Variants in NUP210 observed in about 807,000 individuals in gnomAD.
NUP210 encodes nuclear pore membrane glycoprotein 210.
Under a neutral mutation model 196.0 loss-of-function variants are expected in NUP210, and 151 were observed. The ratio of observed to expected loss-of-function variants is 0.77; its 90% confidence interval spans 0.67 to 0.88. The LOEUF is 0.88. NUP210 is among the 40% of genes least tolerant of loss of function. The probability of loss-of-function intolerance (pLI) is 0.00; values close to 1 mark genes in which losing one functional copy is unlikely to be tolerated. For missense variants in NUP210, 2,314 were observed against 2,493.7 expected, an observed-to-expected ratio of 0.93 and a Z score of 1.53; for synonymous variants, 1,070 against 1,052.7, an observed-to-expected ratio of 1.02 and a Z score of -0.32.
At position 13,353,619 on chromosome 3, in the gene NUP210, C is replaced by CTG. The variant is rs1698059282; in HGVS notation, c.2561_2562dup (p.Ala855GlnfsTer34). 6.2e-7 allele frequency: 1 copy of CTG among 1,614,128 alleles called. No homozygotes were observed. The highest frequency in any genetic ancestry group is 1.6e-4 in the Middle Eastern group (1 of 6,062). On this transcript the variant is annotated frameshift_variant, in exon 18 of 40. Transcript: ENST00000254508. LOFTEE classifies it high-confidence loss of function. ...TAGCCAGTGGCAGTGGCAGTGATGG[C>CTG]TGTGGTTCCTGATGCCTCGTGAACC...
chr3:13,343,321 A>AGGGGGGGGGGGG lies in NUP210; in HGVS notation c.2836-19_2836-18insCCCCCCCCCCCC. The AGGGGGGGGGGGG allele has an allele frequency of 4.8e-6, 1 of 209,500 alleles. No individual in the cohort carries two copies. Among genetic ancestry groups the AGGGGGGGGGGGG allele is most frequent in the Non-Finnish European group, 8.8e-6 (1 of 113,928 alleles). The allele number at this position is 209,500 out of a possible 1,614,324, so 13.0% of individuals were successfully genotyped here. The stretch of plus-strand genomic sequence containing the variant: ...GGGTGCACCTGCAAGGTTGGGGCGG[A>AGGGGGGGGGGGG]GGTGGAGGGGTGGGTGGTGGGTTAC... On this transcript the variant is annotated intron_variant, in intron 20 of 39. Transcript: ENST00000254508.
chr3:13,388,983 C>A (rs928722584), intron 4 of NUP210, among the ~76,000 whole-genome samples: 1 of 152,258 alleles, frequency 6.6e-6, no homozygotes, highest in Non-Finnish European at 1.5e-5. Context: ...TGGATCCCAG[C>A]TTGGGGAGAT....
intron 29 of NUP210, among the ~76,000 whole-genome samples, chr3:13,331,946 A>G (rs1455564787): frequency 2.0e-5 from 3 of 152,132 alleles, no homozygotes; most frequent in African/African-American, 7.2e-5. Flanking sequence ...CTTCCCGGTG[A>G]TGCTGATGCT....
intron 16 of NUP210, among the ~76,000 whole-genome samples, chr3:13,355,120 T>C (rs1407448192): frequency 6.6e-6 from 1 of 152,170 alleles, no homozygotes; most frequent in African/African-American, 2.4e-5. Flanking sequence ...AAAGCACAAC[T>C]GAGGGATTTA....
At chr3:13,332,944 G>T (rs1576351878) in intron 28 of NUP210, among the ~76,000 whole-genome samples, 1 of 152,316 alleles carries the variant, frequency 6.6e-6, no homozygotes, top group East Asian at 1.9e-4. Flanking sequence ...CCAGGACTGA[G>T]CCTGGGCAAG....
rs184704701 is a variant in NUP210 at position 13,403,613 on chromosome 3, G to A, written c.168-3752C>T. 1.6e-4 allele frequency among the ~76,000 whole-genome samples: 25 copies of A among 152,278 alleles called. 2 individuals are homozygous for A. The East Asian group carries it at 1.9e-3, about 12-fold the overall frequency. On this transcript the variant is annotated intron_variant, in intron 1 of 39. Coordinates refer to ENST00000254508, the MANE Select transcript of NUP210 (RefSeq NM_024923.4). ...AGGCCTGGCCTCCTGGTGGAGGGCC[G>A]TGCAGGCGCAGGGCTCTCATGTCCT...
At chr3:13,364,236 T>C (rs1047401456) in intron 14 of NUP210, among the ~76,000 whole-genome samples, 2 of 152,228 alleles carry the variant, frequency 1.3e-5, no homozygotes, top group Non-Finnish European at 2.9e-5. Flanking sequence ...CTGTGTTCTC[T>C]GCCCTGGTGC....
In NUP210 at chr3:13,366,006, G is replaced by A. The variant is rs1320661576; in HGVS notation, c.1872C>T (p.Tyr624=). ...AQGSTTLLVS[Y]RHGHVHLSAK... is the part of the protein sequence containing the mutation. ...CACTCAGGTGGACGTGGCCGTGTCT[G>A]TAGCTCACAAGAAGCGTGGTAGAGC... The change falls in exon 14 of 40, where the codon TAC becomes TAT. Residue 624 remains tyrosine, a synonymous_variant. Transcript: ENST00000254508. The A allele has an allele frequency of 4.3e-6, 7 of 1,614,132 alleles. No individual in the cohort carries two copies. The highest frequency in any genetic ancestry group is 5.9e-6 in the Non-Finnish European group (7 of 1,180,050).
At position 13,343,259 on chromosome 3, in the gene NUP210, G is replaced by A. The variant is rs1181243169; in HGVS notation, c.2880C>T (p.Asp960=). 6.4e-7 allele frequency: 1 copy of A among 1,552,432 alleles called. No individual in the cohort carries two copies. The highest frequency in any genetic ancestry group is 8.8e-7 in the Non-Finnish European group (1 of 1,141,020). Residue 960 remains aspartate, a synonymous_variant, in exon 21 of 40, where the codon GAC becomes GAT. Transcript: ENST00000254508. ...CTGGGGCCGGGAAGACGAGGCACAAGTCATGGATCATGATGGTGGATGAGC... is the reference window on the plus strand; with the variant it reads ...CTGGGGCCGGGAAGACGAGGCACAAATCATGGATCATGATGGTGGATGAGC... ...LPGSSTIMIH[D]LCLVFPAPAK... is the part of the protein sequence containing the mutation.
chr3:13,397,232 G>A (rs1372666316), intron 3 of NUP210, 125 bp downstream of exon 3: 2 of 1,174,944 alleles, frequency 1.7e-6, no homozygotes, highest in East Asian at 5.7e-5. Context: ...CCTGACCAGA[G>A]CTGCCCTCTA....
At chr3:13,329,076 A>T in intron 30 of NUP210, 130 bp from the exon 31 acceptor site, 1 of 725,436 alleles carries the variant, frequency 1.4e-6, no homozygotes, top group East Asian at 2.7e-5. Flanking sequence ...GGCTGGACTT[A>T]GGGGTCCTGA....
Position 13,319,331 on chromosome 3 carries a change from A to G in NUP210, c.5384-6T>C, listed in dbSNP as rs1161001943. 11 of 1,602,304 alleles carry G rather than the reference A, an allele frequency of 6.9e-6. No homozygotes were observed. Among genetic ancestry groups the G allele is most frequent in the Middle Eastern group, 1.6e-4 (1 of 6,074 alleles). Reference sequence around the variant, plus strand: ...CTGGAAGAGGCTGGCTCCATCTGCCATCAATGGGAAGATGAGTTACCAAAA... The same window carrying G: ...CTGGAAGAGGCTGGCTCCATCTGCCGTCAATGGGAAGATGAGTTACCAAAA... On this transcript the variant is annotated splice_region_variant and splice_polypyrimidine_tract_variant and intron_variant, in intron 37 of 39. Transcript: ENST00000254508.
At chr3:13,367,493 A>G (rs936325135) in intron 13 of NUP210, among the ~76,000 whole-genome samples, 4 of 152,190 alleles carry the variant, frequency 2.6e-5, no homozygotes, top group African/African-American at 9.7e-5. Context: ...TGATTTTTCC[A>G]CATACTGGAC....
chr3:13,411,541 C>G (rs1700173751), intron 1 of NUP210, among the ~76,000 whole-genome samples: 1 of 152,170 alleles, frequency 6.6e-6, no homozygotes, highest in African/African-American at 2.4e-5. Flanking sequence ...TTGGCTCCCT[C>G]TGTCCATCCC....
chr3:13,321,545 C>G, intron 36 of NUP210, 40 bp downstream of exon 36: 1 of 1,592,802 alleles, frequency 6.3e-7, no homozygotes. Flanking sequence ...CCTGATGCCC[C>G]TGACTCCGGC....
At chr3:13,397,703 CT>C (rs1267038085) in intron 2 of NUP210, among the ~76,000 whole-genome samples, 4 of 152,182 alleles carry the variant, frequency 2.6e-5, no homozygotes, top group Non-Finnish European at 4.4e-5. Flanking sequence ...CCCATTCTGG[CT>C]TTTCCAGCAG....
chr3:13,380,623 C>T (rs1376120405), intron 6 of NUP210, among the ~76,000 whole-genome samples: 1 of 152,208 alleles, frequency 6.6e-6, no homozygotes, highest in East Asian at 1.9e-4. Flanking sequence ...ACTGTCCCCA[C>T]AAGTGGGACA....
chr3:13,345,079 G>A (rs1249695292), intron 20 of NUP210: 2 of 985,424 alleles, frequency 2.0e-6, no homozygotes, highest in Non-Finnish European at 1.2e-6. Context: ...CCAGCATCTG[G>A]TACAGCCTAG....
chr3:13,318,729 C>T (rs1431580337), intron 39 of NUP210, among the ~76,000 whole-genome samples: 1 of 152,178 alleles, frequency 6.6e-6, no homozygotes, highest in African/African-American at 2.4e-5. Context: ...CCCAGAATCC[C>T]CATCTGTGAG....
Sources: allele counts gnomAD v4.1 joint callset (sites outside exome capture counted in the v4.1 genomes callset), GRCh38; gene constraint gnomAD v4.1.1; transcripts MANE v1.5; gene names NCBI Gene and HGNC (gene_info 2026-07-23, HGNC 2026-07-21).